Variants in LRRC18 observed in about 807,000 individuals in gnomAD.
LRRC18 encodes the protein leucine rich repeat containing 18, also known as leucine-rich repeat-containing protein 18.
In LRRC18, 12 loss-of-function variants were observed where a neutral mutation model predicts 11.2. The observed-to-expected ratio is 1.07, with a 90% CI of 0.69 to 1.74. The LOEUF is 1.74. LRRC18 is among the 40% of genes most tolerant of loss of function. LRRC18 has a pLI of 0.00. For synonymous variants in LRRC18, 155 were observed against 130.6 expected (o/e 1.19, Z -1.27); for missense variants, 374 against 330.5 (o/e 1.13, Z -1.02).
chr10:48,918,746 G>T (rs890077581), upstream of LRRC18, among the ~76,000 whole-genome samples: 2 of 132,510 alleles, frequency 1.5e-5, no homozygotes, highest in Non-Finnish European at 3.5e-5. Flanking sequence ...TTTGTTGTCA[G>T]CAGGGGGTAG....
the LRRC18 span, among the ~76,000 whole-genome samples, chr10:48,938,313 C>T: frequency 3.3e-5 from 5 of 152,254 alleles, no homozygotes; most frequent in Non-Finnish European, 5.9e-5. Context: ...ATTAGGGCTA[C>T]ACCTAGCCTC....
chr10:48,926,436 T>G, the LRRC18 span, among the ~76,000 whole-genome samples: 1 of 152,188 alleles, frequency 6.6e-6, no homozygotes, highest in Admixed American at 6.5e-5. Context: ...TGAAGGATGG[T>G]GTGCACTCTG....
At chr10:48,938,939 G>A in the LRRC18 span, among the ~76,000 whole-genome samples, 27 of 152,150 alleles carry the variant, frequency 1.8e-4, no homozygotes, top group African/African-American at 6.3e-4. Context: ...GCCCAATAAG[G>A]CCAGGCCGGG....
chr10:48,918,421 G>A (rs1227439446), upstream of LRRC18, among the ~76,000 whole-genome samples: 1 of 152,180 alleles, frequency 6.6e-6, no homozygotes, highest in African/African-American at 2.4e-5. Context: ...GAAGGATGTA[G>A]TGACTTTATT....
the LRRC18 span, among the ~76,000 whole-genome samples, chr10:48,927,194 T>G: frequency 6.6e-6 from 1 of 152,106 alleles, no homozygotes; most frequent in African/African-American, 2.4e-5. Flanking sequence ...AGCAGCCGTC[T>G]CTATGTGCTG....
exon 2 of LRRC18, chr10:48,910,249 C>T (rs776051625): frequency 5.5e-5 from 86 of 1,561,310 alleles, no homozygotes; most frequent in Admixed American, 1.9e-4. Context: ...AGGAAGATGT[C>T]AAGCGTATTC....
At chr10:48,914,475 C>T (rs1177147911), upstream of LRRC18, among the ~76,000 whole-genome samples, 2 of 152,100 alleles carry the variant, frequency 1.3e-5, no homozygotes, top group Non-Finnish European at 1.5e-5. Context: ...ACTAAATGTC[C>T]CTCTAGCTGT....
At chr10:48,913,428 G>A (rs1243241000) in exon 1 of LRRC18, 1 of 1,612,980 alleles carries the variant, frequency 6.2e-7, no homozygotes, top group East Asian at 2.2e-5. Context: ...CATGGAATTG[G>A]GTGAGATCAG....
chr10:48,929,243 GA>G, the LRRC18 span, among the ~76,000 whole-genome samples: 1 of 151,846 alleles, frequency 6.6e-6, no homozygotes, highest in Admixed American at 6.6e-5. Flanking sequence ...GAGGACAGAG[GA>G]AGAAAGAAGG....
At chr10:48,912,998 A>G (rs1361241889) in intron 1 of LRRC18, among the ~76,000 whole-genome samples, 2 of 152,186 alleles carry the variant, frequency 1.3e-5, no homozygotes, top group East Asian at 3.9e-4. Flanking sequence ...AAACATTTCC[A>G]TTAAATAACT....
At chr10:48,935,933 A>C in the LRRC18 span, among the ~76,000 whole-genome samples, 1 of 151,314 alleles carries the variant, frequency 6.6e-6, no homozygotes, top group Non-Finnish European at 1.5e-5. Flanking sequence ...TCTTACATTA[A>C]ATTTCCAGAA....
chr10:48,913,978 T>C, exon 1 of LRRC18: 1 of 1,614,162 alleles, frequency 6.2e-7, no homozygotes, highest in Non-Finnish European at 8.5e-7. Flanking sequence ...CTGATAAGAT[T>C]CCGGCTAAGG....
the LRRC18 span, among the ~76,000 whole-genome samples, chr10:48,922,686 G>A: frequency 1.3e-5 from 2 of 152,166 alleles, no homozygotes; most frequent in East Asian, 1.9e-4. Flanking sequence ...GTGGGTAAGC[G>A]AGGACTGTGG....
chr10:48,928,711 T>A, the LRRC18 span, among the ~76,000 whole-genome samples: 2 of 152,158 alleles, frequency 1.3e-5, no homozygotes, highest in Non-Finnish European at 2.9e-5. Context: ...CAGCCCAGAG[T>A]CCACTGGAGC....
chr10:48,928,981 G>A, the LRRC18 span, among the ~76,000 whole-genome samples: 4 of 152,172 alleles, frequency 2.6e-5, no homozygotes, highest in South Asian at 4.1e-4. Context: ...AAAATAAGGT[G>A]TAATGACAGG....
exon 2 of LRRC18, chr10:48,910,210 A>G: frequency 5.2e-6 from 7 of 1,347,538 alleles, no homozygotes; most frequent in Non-Finnish European, 7.3e-6. Context: ...TTAGCTGAGT[A>G]GTCTTCAAGA....
At chr10:48,910,136 A>G in exon 2 of LRRC18, 1 of 1,144,416 alleles carries the variant, frequency 8.7e-7, no homozygotes, top group Non-Finnish European at 1.3e-6. Context: ...TTTCCAGAAC[A>G]TCTCACTTGC....
intron 1 of LRRC18, among the ~76,000 whole-genome samples, chr10:48,912,674 A>T (rs887182640): frequency 6.6e-6 from 1 of 152,240 alleles, no homozygotes; most frequent in Non-Finnish European, 1.5e-5. Flanking sequence ...CATACTTGCC[A>T]CCATTATTTC....
At chr10:48,919,519 G>A in the LRRC18 span, among the ~76,000 whole-genome samples, 7 of 152,180 alleles carry the variant, frequency 4.6e-5, no homozygotes, top group African/African-American at 1.7e-4. Flanking sequence ...TAGTTGGCTT[G>A]TAAGCAACAT....
Sources: allele counts gnomAD v4.1 joint callset (sites outside exome capture counted in the v4.1 genomes callset), GRCh38; gene constraint gnomAD v4.1.1; transcripts MANE v1.5; gene names NCBI Gene and HGNC (gene_info 2026-07-23, HGNC 2026-07-21).